Variants in UTRN observed in about 807,000 individuals in gnomAD.
The protein encoded by UTRN is utrophin.
In UTRN, 283 loss-of-function variants were observed where a neutral mutation model predicts 463.9. That is an observed-to-expected ratio of 0.61 (90% CI 0.55 to 0.67). The LOEUF (loss-of-function observed/expected upper bound fraction) is 0.67. UTRN is among the 30% of genes least tolerant of loss of function. UTRN has a pLI of 0.00. For synonymous variants in UTRN, 1,442 were observed against 1,431.5 expected, an observed-to-expected ratio of 1.01 and a Z score of -0.17; for missense variants, 3,922 against 4,084.3, an observed-to-expected ratio of 0.96 and a Z score of 1.08.
At chr6:144,530,026 G>A (rs1358991710) in intron 41 of UTRN, among the ~76,000 whole-genome samples, 2 of 152,090 alleles carry the variant, frequency 1.3e-5, no homozygotes, top group African/African-American at 4.8e-5. Context: ...CTGTCTTATT[G>A]CATAACGGGC....
intron 46 of UTRN, 96 bp downstream of exon 46, chr6:144,542,966 C>G: frequency 1.0e-6 from 1 of 1,004,688 alleles, no homozygotes; most frequent in African/African-American, 1.6e-5. Flanking sequence ...GACTTAGAAA[C>G]GTCGTGCCAT....
At chr6:144,539,672 C>A (rs1194149911) in intron 45 of UTRN, among the ~76,000 whole-genome samples, 1 of 152,052 alleles carries the variant, frequency 6.6e-6, no homozygotes, top group Admixed American at 6.5e-5. Context: ...ACATTATATA[C>A]TACATTAAAT....
Position 144,493,411 on chromosome 6 carries a change from GC to G in UTRN, c.4549del (p.Gln1517SerfsTer2). The G allele has an allele frequency of 6.2e-7, 1 of 1,614,088 alleles. No individual in the cohort carries two copies. On this transcript the variant is annotated frameshift_variant, in exon 33 of 75. Transcript: ENST00000367545. LOFTEE classifies it high-confidence loss of function. ...CGGACAACCCAAAAGGGATGGATGA[GC>G]AGCTGACTTCCCTGAAGGTTCTTTA... is the stretch of plus-strand genomic sequence containing the variant. ...QTDNPKGMDE[Q>X]LTSLKVLYND...
At chr6:144,288,130 T>C (rs546938997) in intron 1 of UTRN, among the ~76,000 whole-genome samples, 6 of 152,390 alleles carry the variant, frequency 3.9e-5, no homozygotes, top group African/African-American at 1.2e-4. Flanking sequence ...CCTCAGTGGC[T>C]ATCACTATTT....
At chr6:144,722,222 G>T (rs1301497943) in intron 53 of UTRN, among the ~76,000 whole-genome samples, 1 of 152,124 alleles carries the variant, frequency 6.6e-6, no homozygotes, top group Non-Finnish European at 1.5e-5. Flanking sequence ...TCTAAGCTAG[G>T]CATGCACTTG....
intron 2 of UTRN, among the ~76,000 whole-genome samples, chr6:144,382,030 T>C (rs1429729676): frequency 6.6e-6 from 1 of 152,256 alleles, no homozygotes; most frequent in Non-Finnish European, 1.5e-5. Flanking sequence ...ATTTTTTGCC[T>C]TTTTAATAAT....
chr6:144,319,296 T>C (rs1357100762), intron 2 of UTRN, among the ~76,000 whole-genome samples: 1 of 152,208 alleles, frequency 6.6e-6, no homozygotes, highest in African/African-American at 2.4e-5. Flanking sequence ...TTTCTGGGCA[T>C]GTTAGACTTT....
At chr6:144,521,722 G>A (rs1025271674) in intron 39 of UTRN, among the ~76,000 whole-genome samples, 1 of 152,034 alleles carries the variant, frequency 6.6e-6, no homozygotes, top group East Asian at 1.9e-4. Context: ...AGTTTAGATG[G>A]CATAGATCTT....
intron 65 of UTRN, among the ~76,000 whole-genome samples, chr6:144,805,884 A>G (rs776819370): frequency 1.3e-5 from 2 of 152,170 alleles, no homozygotes; most frequent in Non-Finnish European, 1.5e-5. Flanking sequence ...CAAAAGAGAG[A>G]CAATAGTAGG....
rs1319185696 is a variant in UTRN, at chr6:144,697,603, G to T, written c.7653-2484G>T. Reference sequence around the variant, plus strand: ...ATTTGAGAATAACCAGAACAGATTTGCCAGACAAAGATTCTGGCAGATCAA... The same window carrying T: ...ATTTGAGAATAACCAGAACAGATTTTCCAGACAAAGATTCTGGCAGATCAA... On this transcript the variant is annotated intron_variant, in intron 52 of 74. Transcript: ENST00000367545. 2.0e-5 allele frequency among the ~76,000 whole-genome samples: 3 copies of T among 152,098 alleles called. No homozygotes were observed. In the East Asian group the frequency reaches 5.8e-4, roughly 29 times the overall value.
rs1793015154 is a variant in UTRN at position 144,491,039 on chromosome 6, T to A, written c.4374T>A (p.Leu1458=). The A allele has an allele frequency of 1.2e-6, 2 of 1,613,876 alleles. No individual in the cohort carries two copies. The highest frequency in any genetic ancestry group is 1.7e-6 in the Non-Finnish European group (2 of 1,179,976). The part of the protein sequence containing the change: ...KRVLDGVKAE[L]HVLDVKDVDP... The stretch of plus-strand genomic sequence containing the variant: ...TGCTGGATGGCGTGAAAGCAGAACT[T>A]CACGTTCTGGATGTGAAGGACGTAG... The change falls in exon 32 of 75, where the codon CTT becomes CTA. Residue 1458 remains leucine (L), a synonymous_variant. Transcript: ENST00000367545.
chr6:144,690,077 T>A (rs1264320533), intron 52 of UTRN, among the ~76,000 whole-genome samples: 6 of 29,546 alleles, frequency 2.0e-4, no homozygotes, highest in African/African-American at 1.1e-3. Flanking sequence ...AGTTTCTGTT[T>A]TTTTTTTTTT....
At chr6:144,677,089 G>A (rs1781694422) in intron 51 of UTRN, among the ~76,000 whole-genome samples, 1 of 152,124 alleles carries the variant, frequency 6.6e-6, no homozygotes, top group Non-Finnish European at 1.5e-5. Flanking sequence ...TGAGGAGTCA[G>A]TGTATTGAAC....
At chr6:144,581,536 G>A (rs866490452) in intron 51 of UTRN, among the ~76,000 whole-genome samples, 1 of 152,090 alleles carries the variant, frequency 6.6e-6, no homozygotes, top group South Asian at 2.1e-4. Context: ...TTCCATAGAT[G>A]CAGACTTTGA....
At chr6:144,522,886 C>A in intron 40 of UTRN, 130 bp from the exon 41 acceptor site, 1 of 807,928 alleles carries the variant, frequency 1.2e-6, no homozygotes, top group Middle Eastern at 2.9e-4. Context: ...TTTCAGTTTT[C>A]ATGATTAACA....
At chr6:144,781,058 A>G (rs1488704970) in intron 60 of UTRN, among the ~76,000 whole-genome samples, 3 of 152,178 alleles carry the variant, frequency 2.0e-5, no homozygotes, top group African/African-American at 7.2e-5. Flanking sequence ...TAAAGCCATC[A>G]GTATGTCTTT....
intron 71 of UTRN, 32 bp from the exon 72 acceptor site, chr6:144,839,141 T>C (rs1258230234): frequency 6.5e-7 from 1 of 1,542,154 alleles, no homozygotes; most frequent in Non-Finnish European, 9.0e-7. Context: ...TTTGAATCCT[T>C]TCTCTGCTTT....
chr6:144,514,142 C>G, intron 36 of UTRN, 105 bp downstream of exon 36: 1 of 1,403,754 alleles, frequency 7.1e-7, no homozygotes, highest in Admixed American at 2.2e-5. Context: ...TCCTCCCAAG[C>G]ATTAGATTCA....
At position 144,437,733 on chromosome 6, in the gene UTRN, G is replaced by C. The variant is rs781672080; in HGVS notation, c.1228G>C (p.Asp410His). The C allele has an allele frequency of 1.2e-6, 2 of 1,613,126 alleles. No homozygotes were observed. The highest frequency in any genetic ancestry group is 2.2e-5 in the East Asian group (1 of 44,864). ...RWEALRVESMDRQSRLHDVLM... is the reference protein window; with the variant it reads ...RWEALRVESMHRQSRLHDVLM... ...GGAGGCTCTTAGGGTGGAGAGTATG[G>C]ACAGACAGTCCCGGTGAGTGGAAAG... The change falls in exon 11 of 75, where the codon GAC becomes CAC. Residue 410 changes from aspartate to histidine, a missense_variant. Physicochemically the swap from Asp to His is moderately conservative, Grantham distance 81 (BLOSUM62 -1). This residue lies in a region of UTRN where 2,349 missense variants were observed against 2,303.8 expected (regional missense o/e 1.02). Coordinates refer to ENST00000367545, the MANE Select transcript of UTRN (RefSeq NM_007124.3).
Sources: allele counts gnomAD v4.1 joint callset (sites outside exome capture counted in the v4.1 genomes callset), GRCh38; gene constraint gnomAD v4.1.1; regional missense constraint gnomAD v4.1.1; transcripts MANE v1.5; gene names NCBI Gene and HGNC (gene_info 2026-07-23, HGNC 2026-07-21).